Variants in PTPN4 observed in about 807,000 individuals in gnomAD.
The protein encoded by PTPN4 is protein tyrosine phosphatase non-receptor type 4, also known as tyrosine-protein phosphatase non-receptor type 4.
In PTPN4, 49 loss-of-function variants were observed where a neutral mutation model predicts 135.5. The observed-to-expected ratio is 0.36, with a 90% CI of 0.29 to 0.46. The LOEUF (loss-of-function observed/expected upper bound fraction) is 0.46, where lower values mean the gene tolerates loss of function less well. Among genes scored for constraint, PTPN4 ranks in the 20% least tolerant of loss-of-function variants. PTPN4 has a pLI of 1.00. For missense variants in PTPN4, 860 were observed against 1,101.0 expected, an observed-to-expected ratio of 0.78 and a Z score of 3.10; for synonymous variants, 333 against 369.9, an observed-to-expected ratio of 0.90 and a Z score of 1.14.
chr2:119,954,345 G>A (rs66519473), intron 19 of PTPN4, among the ~76,000 whole-genome samples: 7,689 of 152,188 alleles, frequency 0.051, 321 homozygotes, highest in African/African-American at 0.11. Flanking sequence ...ATGCCAAGCT[G>A]TAACCTCCCT....
At chr2:119,931,529 A>G (rs560823571) in intron 13 of PTPN4, among the ~76,000 whole-genome samples, 1 of 149,384 alleles carries the variant, frequency 6.7e-6, no homozygotes, top group East Asian at 2.0e-4. Flanking sequence ...TGCAGTCTCA[A>G]ATTCCTGGAC....
At position 119,835,485 on chromosome 2, in the gene PTPN4, ATGT is replaced by A. The variant is rs1677278002; in HGVS notation, c.138+25496_138+25498del. 4.6e-5 allele frequency among the ~76,000 whole-genome samples: 7 copies of A among 152,000 alleles called. No individual in the cohort carries two copies. In the South Asian group the frequency reaches 1.5e-3, roughly 32 times the overall value. On this transcript the variant is annotated intron_variant, in intron 2 of 26. Transcript: ENST00000263708. ...TGTGAGCCACCGTGCCTGGCCATTTATGTTATCTCCTGAAGTTTCTGCCTTCTC... is the reference window on the plus strand; with the variant it reads ...TGTGAGCCACCGTGCCTGGCCATTTATATCTCCTGAAGTTTCTGCCTTCTC...
intron 12 of PTPN4, among the ~76,000 whole-genome samples, chr2:119,922,221 A>T (rs1451701844): frequency 5.3e-5 from 3 of 56,922 alleles, no homozygotes; most frequent in Non-Finnish European, 9.4e-5. Flanking sequence ...TCTGATTTAA[A>T]AAAAAAAAAA....
At chr2:119,778,933 C>T (rs1461217172) in intron 1 of PTPN4, among the ~76,000 whole-genome samples, 1 of 151,970 alleles carries the variant, frequency 6.6e-6, no homozygotes, top group Admixed American at 6.5e-5. Flanking sequence ...TGTCGTATAC[C>T]ATTTCTTAAA....
intron 1 of PTPN4, among the ~76,000 whole-genome samples, chr2:119,783,794 A>C (rs1176692521): frequency 6.6e-6 from 1 of 152,234 alleles, no homozygotes; most frequent in Non-Finnish European, 1.5e-5. Flanking sequence ...TAACCATGCC[A>C]ACATTTAGTA....
intron 2 of PTPN4, among the ~76,000 whole-genome samples, chr2:119,838,569 A>G (rs1308445522): frequency 1.3e-5 from 2 of 152,210 alleles, no homozygotes; most frequent in Non-Finnish European, 2.9e-5. Context: ...TTTGCCTGGC[A>G]GTTGTTATTG....
chr2:119,968,806 T>TA (rs1440156071), intron 26 of PTPN4, among the ~76,000 whole-genome samples: 1 of 152,002 alleles, frequency 6.6e-6, no homozygotes, highest in African/African-American at 2.4e-5. Context: ...AAAAAGAACT[T>TA]ACGTTGCAAC....
At chr2:119,874,757 A>G (rs1677961274) in intron 3 of PTPN4, among the ~76,000 whole-genome samples, 2 of 152,166 alleles carry the variant, frequency 1.3e-5, no homozygotes, top group African/African-American at 4.8e-5. Context: ...TAAAATGGTA[A>G]ATTTTGTGGT....
intron 2 of PTPN4, among the ~76,000 whole-genome samples, chr2:119,823,281 C>T (rs138237787): frequency 0.024 from 3,609 of 150,480 alleles, 64 homozygotes; most frequent in Non-Finnish European, 0.033. Flanking sequence ...GTCGCCCAGG[C>T]TAGAGTGCAG....
chr2:119,946,788 A>G (rs1466743999), intron 18 of PTPN4: 3 of 460,834 alleles, frequency 6.5e-6, no homozygotes, highest in Non-Finnish European at 1.1e-5. Context: ...GAAGCTATTT[A>G]TGACTTTCAT....
At chr2:119,832,028 G>T (rs971966276) in intron 2 of PTPN4, among the ~76,000 whole-genome samples, 1 of 152,054 alleles carries the variant, frequency 6.6e-6, no homozygotes, top group African/African-American at 2.4e-5. Context: ...GATTTTTGTT[G>T]TTGTTTACTT....
intron 2 of PTPN4, among the ~76,000 whole-genome samples, chr2:119,847,531 T>C (rs1677523448): frequency 6.6e-6 from 1 of 152,044 alleles, no homozygotes; most frequent in African/African-American, 2.4e-5. Flanking sequence ...TTCTCCACAT[T>C]GGTCAGGCTG....
At chr2:119,903,698 A>T (rs1043862631) in intron 10 of PTPN4, among the ~76,000 whole-genome samples, 1 of 151,966 alleles carries the variant, frequency 6.6e-6, no homozygotes, top group Non-Finnish European at 1.5e-5. Context: ...TGTCCCCCAC[A>T]TGCATAGCTC....
chr2:119,962,599 A>T lies in PTPN4; in HGVS notation c.2281-17A>T. On this transcript the variant is annotated splice_polypyrimidine_tract_variant and intron_variant, in intron 23 of 26. Transcript: ENST00000263708. ...ATGTATATAATTTTATTTATTATTT[A>T]TTTATATCAATATCAGGTTAAATGT... 7.8e-7 allele frequency: 1 copy of T among 1,277,994 alleles called. No individual in the cohort carries two copies. Among genetic ancestry groups the T allele is most frequent in the Non-Finnish European group, 1.0e-6 (1 of 983,238 alleles). 79.2% of individuals were successfully genotyped at this position (1,277,994 alleles called of 1,614,324 possible).
At chr2:119,932,164 G>A (rs1432806603) in intron 13 of PTPN4, 1 of 219,386 alleles carries the variant, frequency 4.6e-6, no homozygotes, top group East Asian at 1.1e-4. Context: ...TCCTTTTCTT[G>A]TTTCTTCTGT....
intron 12 of PTPN4, among the ~76,000 whole-genome samples, chr2:119,924,547 G>A (rs185393545): frequency 2.4e-4 from 37 of 152,054 alleles, no homozygotes; most frequent in Non-Finnish European, 3.7e-4. Context: ...TATAAAGAGA[G>A]AGAGAAAGAG....
intron 9 of PTPN4, among the ~76,000 whole-genome samples, chr2:119,892,010 A>G (rs1485368085): frequency 6.6e-6 from 1 of 152,256 alleles, no homozygotes; most frequent in African/African-American, 2.4e-5. Flanking sequence ...GCATGCAGTA[A>G]TATGGTCTCA....
At chr2:119,931,525 C>T (rs945599329) in intron 13 of PTPN4, among the ~76,000 whole-genome samples, 1 of 141,298 alleles carries the variant, frequency 7.1e-6, no homozygotes, top group Non-Finnish European at 1.5e-5. Context: ...TCACTGCAGT[C>T]TCAAATTCCT....
chr2:119,832,343 T>TTATC (rs913174958), intron 2 of PTPN4, among the ~76,000 whole-genome samples: 3 of 152,194 alleles, frequency 2.0e-5, no homozygotes, highest in Non-Finnish European at 4.4e-5. Context: ...CCATAATACG[T>TTATC]TATCTCCTGT....
Sources: allele counts gnomAD v4.1 joint callset (sites outside exome capture counted in the v4.1 genomes callset), GRCh38; gene constraint gnomAD v4.1.1; transcripts MANE v1.5; gene names NCBI Gene and HGNC (gene_info 2026-07-23, HGNC 2026-07-21).